The following DGAT2L6 variants were observed in gnomAD, a reference collection of about 807,000 sequenced individuals.
DGAT2L6 encodes the protein diacylglycerol O-acyltransferase 2-like protein 6.
In DGAT2L6, 22 loss-of-function variants were observed where a neutral mutation model predicts 25.5. The observed-to-expected ratio is 0.86, with a 90% CI of 0.62 to 1.23. DGAT2L6 has a LOEUF of 1.23. Ranked by LOEUF, DGAT2L6 falls within the 50% of genes most tolerant of loss-of-function variation. The pLI, the probability that DGAT2L6 is intolerant of heterozygous loss-of-function variation, is 0.00. For missense variants in DGAT2L6, 287 were observed against 253.2 expected, an observed-to-expected ratio of 1.13 and a Z score of -0.91; for synonymous variants, 100 against 94.7, an observed-to-expected ratio of 1.06 and a Z score of -0.32.
At chrX:70,204,585 C>A in intron 6 of DGAT2L6, 69 bp downstream of exon 6, 1 of 1,137,079 alleles carries the variant, frequency 8.8e-7, no homozygotes. Context: ...AATCATCCAT[C>A]AAGTCCAGGG....
chrX:70,182,165 T>G (rs1415417009), intron 1 of DGAT2L6, among the ~76,000 whole-genome samples: 1 of 110,161 alleles, frequency 9.1e-6, no homozygotes, highest in Non-Finnish European at 1.9e-5. Context: ...GGGGAGGAAA[T>G]AGAGAAAATG....
intron 1 of DGAT2L6, among the ~76,000 whole-genome samples, chrX:70,197,290 A>C (rs1295672105): frequency 8.9e-6 from 1 of 111,855 alleles, no homozygotes; most frequent in Non-Finnish European, 1.9e-5. Flanking sequence ...TATTTCTCCT[A>C]TATCTTTAAA....
intron 1 of DGAT2L6, 106 bp from the exon 2 acceptor site, chrX:70,199,165 A>G (rs1364418123): frequency 2.1e-6 from 1 of 474,102 alleles, no homozygotes; most frequent in Non-Finnish European, 3.5e-6. Context: ...AGAGTCCCAC[A>G]TCAGCCTAGC....
At chrX:70,178,248 T>C (rs149134162) in intron 1 of DGAT2L6, among the ~76,000 whole-genome samples, 3,540 of 109,859 alleles carry the variant, frequency 0.032, 131 homozygotes, top group African/African-American at 0.11. Context: ...GCTTACAGAG[T>C]TGGTGTTACT....
chrX:70,196,957 C>T (rs971307859), intron 1 of DGAT2L6, among the ~76,000 whole-genome samples: 1 of 111,744 alleles, frequency 8.9e-6, no homozygotes, highest in Non-Finnish European at 1.9e-5. Context: ...GCTACCAATG[C>T]GCATATATTA....
chrX:70,190,365 C>T (rs745942246), intron 1 of DGAT2L6, among the ~76,000 whole-genome samples: 14 of 111,639 alleles, frequency 1.3e-4, no homozygotes, highest in Non-Finnish European at 2.4e-4. Context: ...CATCCATGGA[C>T]CAAAGTACCT....
chrX:70,202,924 C>T lies in DGAT2L6; in HGVS notation c.647+860C>T, dbSNP rs72628853. On this transcript the variant is annotated intron_variant, in intron 5 of 6. Coordinates refer to ENST00000333026, the MANE Select transcript of DGAT2L6 (RefSeq NM_198512.3). ...TGGTCTATAGCTGCCTCTCTGTCCT[C>T]ATCACTCACTTCTCTTCCCACTCTC... Among the ~76,000 whole-genome samples, 982 of 111,931 alleles carry T rather than the reference C, an allele frequency of 8.8e-3. 35 individuals are homozygous for T. The East Asian group carries it at 0.15, about 17-fold the overall frequency.
At chrX:70,179,376 G>C (rs2085336179) in intron 1 of DGAT2L6, among the ~76,000 whole-genome samples, 1 of 111,040 alleles carries the variant, frequency 9.0e-6, no homozygotes, top group South Asian at 3.8e-4. Context: ...AAAGTGAGGA[G>C]CACAGGAATG....
intron 1 of DGAT2L6, 67 bp downstream of exon 1, chrX:70,177,734 G>A: frequency 6.1e-6 from 6 of 985,740 alleles, no homozygotes; most frequent in South Asian, 2.0e-5. Context: ...ATCTCCAGAT[G>A]AGGAGGGTTC....
At chrX:70,185,342 A>C (rs1003115991) in intron 1 of DGAT2L6, among the ~76,000 whole-genome samples, 11 of 112,342 alleles carry the variant, frequency 9.8e-5, no homozygotes, top group Non-Finnish European at 1.5e-4. Flanking sequence ...GAGCTTCTCC[A>C]AGACAGGAAT....
At position 70,200,875 on chromosome X, in the gene DGAT2L6, C is replaced by T. The variant is rs144479046; in HGVS notation, c.472+416C>T. Among the ~76,000 whole-genome samples, 5 of 112,108 alleles carry T rather than the reference C, an allele frequency of 4.5e-5. No homozygotes were observed. The East Asian group carries it at 8.4e-4, about 19-fold the overall frequency. On this transcript the variant is annotated intron_variant, in intron 4 of 6. Transcript: ENST00000333026. The stretch of plus-strand genomic sequence containing the variant: ...GGCCTCTTTGGGCCGGTCATTTGTA[C>T]ACCATGGTGTCTTAAAAACATTTTG...
In DGAT2L6 at chrX:70,187,856, C is replaced by T. The variant is rs1321704836; in HGVS notation, c.85+10189C>T. Among the ~76,000 whole-genome samples the T allele has an allele frequency of 5.4e-5, 6 of 111,969 alleles. No homozygotes were observed. In the South Asian group the frequency reaches 1.1e-3, roughly 21 times the overall value. ...GTAAATGACTAAAGGGAAGTAACAG[C>T]TAGAGCTTAGTGGTTAAGGGTACAG... On this transcript the variant is annotated intron_variant, in intron 1 of 6. Transcript: ENST00000333026.
At chrX:70,189,365 A>T (rs182675389) in intron 1 of DGAT2L6, among the ~76,000 whole-genome samples, 199 of 111,891 alleles carry the variant, frequency 1.8e-3, no homozygotes, top group East Asian at 3.3e-3. Context: ...TAGAAATTTT[A>T]AAAAAAATAC....
At chrX:70,202,889 C>T (rs966606232) in intron 5 of DGAT2L6, among the ~76,000 whole-genome samples, 82 of 111,837 alleles carry the variant, frequency 7.3e-4, no homozygotes, top group African/African-American at 2.3e-3. Flanking sequence ...TTGCAAGACG[C>T]GGAATAATCT....
chrX:70,183,884 C>A (rs2085351479), intron 1 of DGAT2L6, among the ~76,000 whole-genome samples: 2 of 108,318 alleles, frequency 1.8e-5, no homozygotes, highest in South Asian at 4.1e-4. Context: ...AAAAAAAAAT[C>A]AAAAAATTAG....
At chrX:70,201,770 G>A (rs2147610738) in intron 4 of DGAT2L6, 120 bp from the exon 5 acceptor site, 2 of 824,341 alleles carry the variant, frequency 2.4e-6, no homozygotes, top group East Asian at 3.5e-5. Flanking sequence ...AGACAGAAAG[G>A]TGGAAACAGC....
intron 4 of DGAT2L6, 64 bp downstream of exon 4, chrX:70,200,523 C>T (rs893514654): frequency 2.9e-6 from 3 of 1,020,902 alleles, no homozygotes; most frequent in Non-Finnish European, 4.0e-6. Context: ...CCCAATAAGT[C>T]CTGACAATCA....
At chrX:70,196,917 T>C (rs1450360054) in intron 1 of DGAT2L6, among the ~76,000 whole-genome samples, 1 of 112,556 alleles carries the variant, frequency 8.9e-6, no homozygotes, top group Non-Finnish European at 1.9e-5. Flanking sequence ...TCACTAGCTA[T>C]TGGAGAAATG....
At position 70,200,432 on chromosome X, in the gene DGAT2L6, A is replaced by G. The variant is rs986204267; in HGVS notation, c.445A>G (p.Ile149Val). The part of the protein sequence containing the change: ...GTLERIFWIP[I>V]VREYVMSMGV... The stretch of plus-strand genomic sequence containing the variant: ...CTTAGAAAGGATATTTTGGATCCCA[A>G]TTGTGCGAGAATATGTGATGTCAAT... The change falls in exon 4 of 7, where the codon ATT becomes GTT. Residue 149 changes from isoleucine to valine, a missense_variant. Ile to Val is a conservative substitution (Grantham distance 29). Coordinates refer to ENST00000333026, the MANE Select transcript of DGAT2L6 (RefSeq NM_198512.3). 1.7e-6 allele frequency: 2 copies of G among 1,211,445 alleles called. No homozygotes were observed. The highest frequency in any genetic ancestry group is 3.0e-5 in the East Asian group (1 of 33,860).
Sources: gnomAD v4.1 joint callset for allele counts (sites outside exome capture counted in the v4.1 genomes callset) on GRCh38, gnomAD v4.1.1 for gene constraint, MANE v1.5 for transcripts, NCBI Gene and HGNC (gene_info 2026-07-23, HGNC 2026-07-21) for gene names.